The following DPF3 variants were observed in gnomAD, a reference collection of about 807,000 sequenced individuals.
The protein encoded by DPF3 is zinc finger protein DPF3.
In DPF3, 18 loss-of-function variants were observed where a neutral mutation model predicts 56.8. That is an observed-to-expected ratio of 0.32 (90% CI 0.22 to 0.47). DPF3 has a LOEUF of 0.47. DPF3 is among the 20% of genes least tolerant of loss of function. The pLI, the probability that DPF3 is intolerant of heterozygous loss-of-function variation, is 1.00. For missense variants in DPF3, 403 were observed against 488.8 expected (o/e 0.82, Z 1.65); for synonymous variants, 188 against 180.2 (o/e 1.04, Z -0.35).
Position 72,850,117 on chromosome 14 carries a change from TA to T in DPF3, c.32+43939del, listed in dbSNP as rs562352816. 2.7e-3 allele frequency among the ~76,000 whole-genome samples: 399 copies of T among 150,296 alleles called. 4 individuals are homozygous for T. The highest frequency in any genetic ancestry group is 9.2e-3 in the African/African-American group (377 of 40,990). On this transcript the variant is annotated intron_variant, in intron 1 of 10. Transcript: ENST00000556509. The stretch of plus-strand genomic sequence containing the variant: ...CTAGGCGACAGAGAGAAACTCCATC[TA>T]AAAAAAAAATTAGCTAGGTTTAAAG...
chr14:72,886,291 G>C (rs932661729), intron 1 of DPF3, among the ~76,000 whole-genome samples: 12 of 152,148 alleles, frequency 7.9e-5, no homozygotes, highest in Non-Finnish European at 1.8e-4. Flanking sequence ...AGAATCACTT[G>C]AACCTGGGAG....
chr14:72,713,931 C>T (rs1023790554), intron 6 of DPF3, among the ~76,000 whole-genome samples: 2 of 152,196 alleles, frequency 1.3e-5, no homozygotes, highest in African/African-American at 4.8e-5. Flanking sequence ...TAAAGTAAGT[C>T]ATCGTCATAG....
intron 6 of DPF3, among the ~76,000 whole-genome samples, chr14:72,703,982 A>C (rs1888296659): frequency 6.6e-6 from 1 of 152,224 alleles, no homozygotes; most frequent in East Asian, 1.9e-4. Flanking sequence ...GCAGTGAGCT[A>C]ATTGTTTTTA....
intron 1 of DPF3, among the ~76,000 whole-genome samples, chr14:72,775,347 T>C (rs1479990536): frequency 6.6e-6 from 1 of 152,176 alleles, no homozygotes; most frequent in Admixed American, 6.5e-5. Flanking sequence ...GATTCCAAAT[T>C]GGACTTGTCC....
At chr14:72,793,213 C>A (rs560041114) in intron 1 of DPF3, among the ~76,000 whole-genome samples, 1 of 152,176 alleles carries the variant, frequency 6.6e-6, no homozygotes, top group Non-Finnish European at 1.5e-5. Flanking sequence ...AGAAAGGAAA[C>A]CAAAAGTGTC....
chr14:72,719,977 C>G (rs1889098634), intron 5 of DPF3, among the ~76,000 whole-genome samples: 1 of 151,842 alleles, frequency 6.6e-6, no homozygotes, highest in South Asian at 2.1e-4. Flanking sequence ...AGTGAGCACA[C>G]AAAGCACCTG....
chr14:72,853,200 A>G (rs1456598397), intron 1 of DPF3: 2 of 147,048 alleles, frequency 1.4e-5, no homozygotes, highest in African/African-American at 5.1e-5. Flanking sequence ...ATTGTTTACA[A>G]TCAGCATGTT....
At chr14:72,788,128 C>T (rs1892284530) in intron 1 of DPF3, among the ~76,000 whole-genome samples, 1 of 152,184 alleles carries the variant, frequency 6.6e-6, no homozygotes, top group Admixed American at 6.5e-5. Flanking sequence ...GACGGGCATG[C>T]ACTTGGTAAG....
At chr14:72,828,656 C>A (rs566194895) in intron 1 of DPF3, among the ~76,000 whole-genome samples, 1 of 151,768 alleles carries the variant, frequency 6.6e-6, no homozygotes, top group Non-Finnish European at 1.5e-5. Context: ...GCATCCAGAC[C>A]ATGGGGTGAG....
intron 1 of DPF3, among the ~76,000 whole-genome samples, chr14:72,893,013 A>AGGC (rs1555517678): frequency 0.016 from 1,987 of 126,940 alleles, 95 homozygotes; most frequent in South Asian, 0.024. Context: ...GGAAGGAAGG[A>AGGC]AGGAAGGAAG....
chr14:72,848,922 T>A (rs1414541006), intron 1 of DPF3, among the ~76,000 whole-genome samples: 4 of 152,228 alleles, frequency 2.6e-5, no homozygotes, highest in Non-Finnish European at 1.5e-5. Flanking sequence ...GAGCACTTAC[T>A]GTGTGCCAGG....
chr14:72,672,611 CAG>C (rs1886737572), intron 8 of DPF3, among the ~76,000 whole-genome samples: 1 of 152,188 alleles, frequency 6.6e-6, no homozygotes, highest in Non-Finnish European at 1.5e-5. Context: ...ACATAGCAGA[CAG>C]AACCTTGGAG....
intron 6 of DPF3, among the ~76,000 whole-genome samples, chr14:72,706,933 G>A (rs983488413): frequency 3.9e-4 from 59 of 151,700 alleles, no homozygotes; most frequent in Non-Finnish European, 6.8e-4. Flanking sequence ...CCATTAACTC[G>A]TCATTTAGCA....
At chr14:72,678,175 G>C (rs1886998107) in intron 7 of DPF3, among the ~76,000 whole-genome samples, 1 of 152,162 alleles carries the variant, frequency 6.6e-6, no homozygotes, top group African/African-American at 2.4e-5. Flanking sequence ...TTCGAAGGCA[G>C]GTTTCACCCC....
In DPF3 at chr14:72,731,933, T is replaced by G; in HGVS notation, c.303A>C (p.Glu101Asp). 6.3e-7 allele frequency: 1 copy of G among 1,579,380 alleles called. No homozygotes were observed. The highest frequency in any genetic ancestry group is 2.3e-5 in the East Asian group (1 of 43,072). ...PKLRLLEIKPEVELPLKKDGF... is the reference protein window; with the variant it reads ...PKLRLLEIKPDVELPLKKDGF... ...CATCCTTCTTCAGGGGAAGCTCCAC[T>G]TCTGAAAAACAAAGATAGAAAGGCA... Residue 101 changes from glutamate (E) to aspartate (D), a missense_variant and splice_region_variant, in exon 4 of 11, where the codon GAA becomes GAC. Transcript: ENST00000556509.
chr14:72,723,749 A>T (rs1476044500), intron 4 of DPF3, 21 bp from the exon 5 acceptor site: 1 of 1,506,470 alleles, frequency 6.6e-7, no homozygotes, highest in Non-Finnish European at 9.0e-7. Context: ...AAAAAAAAAT[A>T]GAAAAGGTGA....
intron 1 of DPF3, among the ~76,000 whole-genome samples, chr14:72,890,140 A>G (rs1886694539): frequency 6.6e-6 from 1 of 152,202 alleles, no homozygotes; most frequent in Admixed American, 6.5e-5. Flanking sequence ...TACTGATTGC[A>G]GATTTGGGGG....
intron 6 of DPF3, among the ~76,000 whole-genome samples, chr14:72,695,925 T>A (rs945031994): frequency 1.3e-5 from 2 of 152,094 alleles, no homozygotes; most frequent in Non-Finnish European, 2.9e-5. Flanking sequence ...GTAAAAAAAA[T>A]AAAATTAAAA....
chr14:72,858,803 GAA>G (rs1885269925), intron 1 of DPF3, among the ~76,000 whole-genome samples: 2 of 152,148 alleles, frequency 1.3e-5, no homozygotes, highest in South Asian at 4.1e-4. Flanking sequence ...AGAGGTATCT[GAA>G]ATTATGTTCG....
Sources: gnomAD v4.1 joint callset for allele counts (sites outside exome capture counted in the v4.1 genomes callset) on GRCh38, gnomAD v4.1.1 for gene constraint, MANE v1.5 for transcripts, NCBI Gene and HGNC (gene_info 2026-07-23, HGNC 2026-07-21) for gene names.